The following ADAMTS20 variants were observed in gnomAD, a reference collection of about 807,000 sequenced individuals.
The protein encoded by ADAMTS20 is A disintegrin and metalloproteinase with thrombospondin motifs 20.
ADAMTS20 carries 225 observed loss-of-function variants against 260.1 expected under a neutral mutation model. The ratio of observed to expected loss-of-function variants is 0.87; its 90% CI spans 0.78 to 0.97. The LOEUF is 0.97. Ranked by LOEUF, ADAMTS20 falls within the 50% of genes least tolerant of loss-of-function variation. The probability of loss-of-function intolerance (pLI) is 0.00; values close to 1 mark genes in which losing one functional copy is unlikely to be tolerated. For synonymous variants in ADAMTS20, 802 were observed against 769.5 expected (o/e 1.04, Z -0.70); for missense variants, 2,400 against 2,337.7 (o/e 1.03, Z -0.55).
At chr12:43,503,933 G>A (rs557967037) in intron 3 of ADAMTS20, among the ~76,000 whole-genome samples, 2 of 152,162 alleles carry the variant, frequency 1.3e-5, no homozygotes, top group African/African-American at 4.8e-5. Context: ...TAGTATATAT[G>A]TACCACCATT....
chr12:43,413,432 T>A (rs1428481811), intron 28 of ADAMTS20, among the ~76,000 whole-genome samples: 4 of 152,190 alleles, frequency 2.6e-5, no homozygotes, highest in Non-Finnish European at 5.9e-5. Context: ...ATGGTTCTAC[T>A]GTGAGCAAGT....
intron 28 of ADAMTS20, among the ~76,000 whole-genome samples, chr12:43,424,927 T>C (rs1941302287): frequency 6.6e-6 from 1 of 152,018 alleles, no homozygotes; most frequent in African/African-American, 2.4e-5. Context: ...GGGCCAATGA[T>C]ATACTTTAAA....
chr12:43,423,768 C>T (rs1257119288), intron 28 of ADAMTS20: 2 of 702,390 alleles, frequency 2.8e-6, no homozygotes, highest in Admixed American at 4.0e-5. Context: ...AAATATGTTT[C>T]AATTGTCTCT....
At chr12:43,449,283 A>G (rs1941820392) in intron 14 of ADAMTS20, among the ~76,000 whole-genome samples, 1 of 152,188 alleles carries the variant, frequency 6.6e-6, no homozygotes, top group Non-Finnish European at 1.5e-5. Context: ...ATACATATAC[A>G]CAAAGGAATA....
intron 3 of ADAMTS20, among the ~76,000 whole-genome samples, chr12:43,520,370 T>C (rs1308192874): frequency 6.6e-6 from 1 of 152,196 alleles, no homozygotes; most frequent in Non-Finnish European, 1.5e-5. Flanking sequence ...TAGTCTAAAA[T>C]GGTGGTCCAG....
chr12:43,435,511 T>C (rs1941534430), intron 18 of ADAMTS20, among the ~76,000 whole-genome samples: 1 of 150,938 alleles, frequency 6.6e-6, no homozygotes, highest in African/African-American at 2.4e-5. Flanking sequence ...TGGTGGTGGG[T>C]GCCTGTAGTC....
At chr12:43,470,580 A>G (rs925964973) in intron 7 of ADAMTS20, among the ~76,000 whole-genome samples, 9 of 152,216 alleles carry the variant, frequency 5.9e-5, no homozygotes, top group Non-Finnish European at 2.9e-5. Context: ...GTTTAAAGAT[A>G]GAATAAGGCA....
intron 37 of ADAMTS20, among the ~76,000 whole-genome samples, chr12:43,358,836 C>CAAAAAA (rs151206551): frequency 1.6e-5 from 1 of 61,226 alleles, no homozygotes; most frequent in Non-Finnish European, 3.3e-5. Context: ...AACTCCGTCT[C>CAAAAAA]AAAAAAAAAA....
In ADAMTS20 at chr12:43,551,867, TG is replaced by T. The variant is rs1252371719; in HGVS notation, c.54del (p.Thr19ProfsTer16). On this transcript the variant is annotated frameshift_variant, in exon 1 of 39. Transcript: ENST00000389420. LOFTEE classifies it high-confidence loss of function. This position sits in a 1 kb window ranked among gnomAD's most constrained non-coding sequence, Gnocchi z 4.6. ...TGGAAGTCAACTTCCCAAGACCTGG[TG>T]ATGAAGAGCGAGAGATGGTAGAGCA... is the stretch of plus-strand genomic sequence containing the variant. ...TGLLYHLSLFITRSWEVDFHP... is the reference protein window; with the variant it reads ...TGLLYHLSLFXTRSWEVDFHP... 6.2e-7 allele frequency: 1 copy of T among 1,613,592 alleles called. No homozygotes were observed. The highest frequency in any genetic ancestry group is 8.5e-7 in the Non-Finnish European group (1 of 1,179,746).
chr12:43,428,715 A>C lies in ADAMTS20; in HGVS notation c.3574T>G (p.Cys1192Gly). The C allele has an allele frequency of 6.2e-7, 1 of 1,612,930 alleles. No individual in the cohort carries two copies. The highest frequency in any genetic ancestry group is 1.7e-4 in the Middle Eastern group (1 of 6,052). The change falls in exon 25 of 39, where the codon TGT becomes GGT. Residue 1192 changes from cysteine (C) to glycine (G), a missense_variant. By Grantham distance (159) the Cys-to-Gly change is radical. Coordinates refer to ENST00000389420, the MANE Select transcript of ADAMTS20 (RefSeq NM_025003.5). The part of the protein sequence containing the change: ...ALDRIADESY[C>G]AHLPRPAEIW... Reference sequence around the variant, plus strand: ...TCAGCAGGTCGGGGTAAGTGGGCACAATATGATTCATCTGCTATTCTATCA... The same window carrying C: ...TCAGCAGGTCGGGGTAAGTGGGCACCATATGATTCATCTGCTATTCTATCA...
At chr12:43,489,425 C>G (rs1452643327) in intron 7 of ADAMTS20, among the ~76,000 whole-genome samples, 8 of 151,834 alleles carry the variant, frequency 5.3e-5, no homozygotes, top group Admixed American at 5.2e-4. Flanking sequence ...AAATACCACA[C>G]CACAAATATG....
At chr12:43,366,032 C>A (rs1180758824) in intron 37 of ADAMTS20, among the ~76,000 whole-genome samples, 1 of 151,544 alleles carries the variant, frequency 6.6e-6, no homozygotes, top group African/African-American at 2.4e-5. Flanking sequence ...AGATGTAAAT[C>A]CAGACATAGC....
At chr12:43,475,643 G>T (rs567298610) in intron 7 of ADAMTS20, among the ~76,000 whole-genome samples, 2 of 151,734 alleles carry the variant, frequency 1.3e-5, no homozygotes, top group Non-Finnish European at 2.9e-5. Flanking sequence ...TACCAAAACA[G>T]AGATATAGAT....
intron 4 of ADAMTS20, among the ~76,000 whole-genome samples, chr12:43,501,151 C>T (rs918187561): frequency 4.1e-5 from 6 of 146,058 alleles, no homozygotes; most frequent in East Asian, 2.2e-4. Flanking sequence ...CTCTGCCTCC[C>T]GGGTTCAAGC....
Position 43,550,688 on chromosome 12 carries a change from C to T in ADAMTS20, c.453+221G>A, listed in dbSNP as rs542411768. Among the ~76,000 whole-genome samples the T allele has an allele frequency of 3.9e-5, 6 of 152,250 alleles. No homozygotes were observed. In the South Asian group the frequency reaches 1.2e-3, roughly 32 times the overall value. ...ATGATGAAAGAGCATCTTTCATCAG[C>T]GTTGCACAGAGGGTCGGTTTTGCCC... On this transcript the variant is annotated intron_variant, in intron 2 of 38. Coordinates refer to ENST00000389420, the MANE Select transcript of ADAMTS20 (RefSeq NM_025003.5).
At chr12:43,520,307 T>C (rs1445929814) in intron 3 of ADAMTS20, among the ~76,000 whole-genome samples, 1 of 152,152 alleles carries the variant, frequency 6.6e-6, no homozygotes, top group Non-Finnish European at 1.5e-5. Context: ...ATCATTTAAA[T>C]TTGTAGTTAA....
intron 2 of ADAMTS20, among the ~76,000 whole-genome samples, chr12:43,542,375 TA>T (rs1039259466): frequency 6.6e-6 from 1 of 152,200 alleles, no homozygotes; most frequent in African/African-American, 2.4e-5. Flanking sequence ...AAAATACATA[TA>T]ATATCTAGAG....
chr12:43,375,345 CT>C, intron 36 of ADAMTS20, 33 bp downstream of exon 36: 2 of 1,600,310 alleles, frequency 1.2e-6, no homozygotes, highest in Non-Finnish European at 1.7e-6. Flanking sequence ...CAAATGGAGG[CT>C]TTTTGATTTT....
At chr12:43,376,206 A>C in intron 34 of ADAMTS20, 30 bp downstream of exon 34, 4 of 1,538,284 alleles carry the variant, frequency 2.6e-6, no homozygotes, top group Non-Finnish European at 3.5e-6. Flanking sequence ...GATCAATGTT[A>C]AAATAAAAAA....
Sources: gnomAD v4.1 joint callset for allele counts (sites outside exome capture counted in the v4.1 genomes callset) on GRCh38, gnomAD v4.1.1 for gene constraint, Gnocchi (gnomAD v3.1) non-coding constraint, MANE v1.5 for transcripts, NCBI Gene and HGNC (gene_info 2026-07-23, HGNC 2026-07-21) for gene names.